Variants in PDE4B observed in about 807,000 individuals in gnomAD.
PDE4B encodes the protein 3',5'-cyclic-AMP phosphodiesterase 4B.
A neutral mutation model predicts 82.2 loss-of-function variants in PDE4B; 20 were observed. That is an observed-to-expected ratio of 0.24 (90% CI 0.17 to 0.35). PDE4B has a LOEUF of 0.35. PDE4B is among the 10% of genes least tolerant of loss of function. The probability of loss-of-function intolerance (pLI) is 1.00; values close to 1 mark genes in which losing one functional copy is unlikely to be tolerated. For missense variants in PDE4B, 655 were observed against 907.2 expected, an observed-to-expected ratio of 0.72 and a Z score of 3.57; for synonymous variants, 320 against 318.9, an observed-to-expected ratio of 1.00 and a Z score of -0.04.
chr1:65,798,622 G>A (rs1645660087), intron 1 of PDE4B, among the ~76,000 whole-genome samples: 1 of 151,894 alleles, frequency 6.6e-6, no homozygotes. Flanking sequence ...CCAAAGTGCT[G>A]GGATTACAGG....
At chr1:66,176,013 A>G (rs895390572) in intron 3 of PDE4B, among the ~76,000 whole-genome samples, 2 of 152,218 alleles carry the variant, frequency 1.3e-5, no homozygotes, top group East Asian at 1.9e-4. Context: ...TTTAAAAGCT[A>G]TTTAGTACTT....
chr1:66,250,977 A>G (rs1653727530), intron 4 of PDE4B, among the ~76,000 whole-genome samples: 1 of 152,212 alleles, frequency 6.6e-6, no homozygotes, highest in Admixed American at 6.5e-5. Flanking sequence ...AATGAGACCT[A>G]AGAACCAAGA....
At chr1:65,931,404 C>T (rs577561277) in intron 3 of PDE4B, among the ~76,000 whole-genome samples, 3 of 152,264 alleles carry the variant, frequency 2.0e-5, no homozygotes, top group African/African-American at 7.2e-5. Context: ...ACATGACTGT[C>T]TTTACAAAAT....
intron 1 of PDE4B, among the ~76,000 whole-genome samples, chr1:65,800,269 A>G (rs1315415528): frequency 2.0e-5 from 3 of 152,238 alleles, no homozygotes; most frequent in African/African-American, 7.2e-5. Context: ...TTCTGTGACT[A>G]GTACAACTCC....
chr1:65,867,297 T>G (rs1646523347), intron 1 of PDE4B, among the ~76,000 whole-genome samples: 1 of 152,134 alleles, frequency 6.6e-6, no homozygotes, highest in African/African-American at 2.4e-5. Context: ...GAAAAGGAAG[T>G]CCAAATAAGA....
intron 1 of PDE4B, among the ~76,000 whole-genome samples, chr1:65,846,623 G>T (rs1344825520): frequency 1.3e-5 from 2 of 152,102 alleles, no homozygotes; most frequent in Admixed American, 6.6e-5. Flanking sequence ...AAACAGAGGG[G>T]CAAATTCTTA....
chr1:66,275,538 G>A (rs1366510157), intron 7 of PDE4B, among the ~76,000 whole-genome samples: 1 of 152,182 alleles, frequency 6.6e-6, no homozygotes, highest in Non-Finnish European at 1.5e-5. Flanking sequence ...AGATAAAAAA[G>A]GAGGTTGGAG....
chr1:66,279,991 C>A (rs1244323095), intron 7 of PDE4B, among the ~76,000 whole-genome samples: 1 of 152,154 alleles, frequency 6.6e-6, no homozygotes, highest in African/African-American at 2.4e-5. Context: ...ATAGACTAGC[C>A]AAGTCAGCAC....
intron 3 of PDE4B, among the ~76,000 whole-genome samples, chr1:65,959,321 T>C (rs1649429544): frequency 1.3e-5 from 2 of 152,204 alleles, no homozygotes; most frequent in Non-Finnish European, 2.9e-5. Context: ...ATAGTGTGTA[T>C]GTATGGTAAT....
intron 3 of PDE4B, among the ~76,000 whole-genome samples, chr1:65,994,688 C>T (rs1241058194): frequency 1.3e-5 from 2 of 151,932 alleles, no homozygotes; most frequent in Non-Finnish European, 2.9e-5. Flanking sequence ...TTAATAGATG[C>T]ACATTTTTTC....
intron 3 of PDE4B, among the ~76,000 whole-genome samples, chr1:65,932,027 A>G (rs1026900656): frequency 6.6e-6 from 1 of 152,120 alleles, no homozygotes. Context: ...TGCTTCCAAC[A>G]TCTTCTTGGG....
intron 3 of PDE4B, among the ~76,000 whole-genome samples, chr1:66,136,246 A>G (rs1646052485): frequency 6.6e-6 from 1 of 152,192 alleles, no homozygotes; most frequent in Admixed American, 6.5e-5. Flanking sequence ...ATCCTGAAAC[A>G]TGGACTAGTT....
rs1461492745 is a variant in PDE4B, at chr1:65,925,303, AT to A, written c.281+6469del. Among the ~76,000 whole-genome samples, 11 of 152,338 alleles carry A rather than the reference AT, an allele frequency of 7.2e-5. No individual in the cohort carries two copies. The South Asian group carries it at 2.3e-3, about 32-fold the overall frequency. On this transcript the variant is annotated intron_variant, in intron 3 of 16. Transcript: ENST00000341517. ...CATGTTGTATGTAACAAACCTGCAC[AT>A]CCTGCACATGTACCCCGGAACTGAA...
intron 3 of PDE4B, among the ~76,000 whole-genome samples, chr1:66,046,629 T>C (rs1654729115): frequency 6.6e-6 from 1 of 151,864 alleles, no homozygotes; most frequent in Admixed American, 6.6e-5. Flanking sequence ...TTATTTCTTA[T>C]CTGCGTAAAA....
At chr1:65,827,203 C>T (rs2101273995) in intron 1 of PDE4B, among the ~76,000 whole-genome samples, 2 of 152,124 alleles carry the variant, frequency 1.3e-5, no homozygotes, top group South Asian at 4.2e-4. Flanking sequence ...ACATTTACTT[C>T]CATATCTACT....
At chr1:66,163,023 T>C (rs1646648669) in intron 3 of PDE4B, among the ~76,000 whole-genome samples, 1 of 152,168 alleles carries the variant, frequency 6.6e-6, no homozygotes, top group African/African-American at 2.4e-5. Flanking sequence ...TAAATCAGGG[T>C]AATAATGCTA....
chr1:65,979,834 T>TA (rs1650594843), intron 3 of PDE4B, among the ~76,000 whole-genome samples: 1 of 152,170 alleles, frequency 6.6e-6, no homozygotes, highest in African/African-American at 2.4e-5. Context: ...AAGGTCTCTG[T>TA]TGTTTCAGGG....
intron 3 of PDE4B, among the ~76,000 whole-genome samples, chr1:66,131,933 A>G (rs972323308): frequency 2.0e-5 from 3 of 152,048 alleles, no homozygotes; most frequent in African/African-American, 7.2e-5. Context: ...TTCTAGGCAA[A>G]AGACCAATGT....
chr1:65,848,995 TA>T (rs1405106949), intron 1 of PDE4B, among the ~76,000 whole-genome samples: 4 of 152,124 alleles, frequency 2.6e-5, no homozygotes, highest in African/African-American at 9.6e-5. Context: ...TAATAATTAT[TA>T]ATAGAATACT....
Sources: gnomAD v4.1 joint callset for allele counts (sites outside exome capture counted in the v4.1 genomes callset) on GRCh38, gnomAD v4.1.1 for gene constraint, MANE v1.5 for transcripts, NCBI Gene and HGNC (gene_info 2026-07-23, HGNC 2026-07-21) for gene names.